Variants in SCART1 observed in about 807,000 individuals in gnomAD.
SCART1 encodes scavenger receptor family member expressed on T cells 1.
A neutral mutation model predicts 36.2 loss-of-function variants in SCART1; 62 were observed. That is an observed-to-expected ratio of 1.71 (90% confidence interval 1.40 to 2.12). The LOEUF is 2.12. Ranked by LOEUF, SCART1 falls within the 30% of genes most tolerant of loss-of-function variation. SCART1 has a pLI of 0.00. For missense variants in SCART1, 1,041 were observed against 540.5 expected, an observed-to-expected ratio of 1.93 and a Z score of -9.18; for synonymous variants, 487 against 238.7, an observed-to-expected ratio of 2.04 and a Z score of -9.59.
exon 12 of SCART1, chr10:133,467,885 A>G (rs1589937982): frequency 1.4e-6 from 1 of 699,760 alleles, no homozygotes; most frequent in Non-Finnish European, 2.6e-6. Flanking sequence ...GGGACAGTCT[A>G]TACGTGCGGA....
chr10:133,465,993 C>T, intron 9 of SCART1: 1 of 672,622 alleles, frequency 1.5e-6, no homozygotes, highest in South Asian at 1.5e-5. Flanking sequence ...CTGGCATCTG[C>T]CTGGGGGCCA....
intron 2 of SCART1, chr10:133,456,947 C>T (rs1850623983): frequency 4.0e-6 from 2 of 505,014 alleles, no homozygotes; most frequent in Non-Finnish European, 7.0e-6. Flanking sequence ...CTCGAGGGTC[C>T]TCAGCTGTCC....
intron 2 of SCART1, 163 bp from the exon 3 acceptor site, chr10:133,457,115 CA>C (rs759239088): frequency 2.1e-4 from 129 of 602,730 alleles, no homozygotes; most frequent in Non-Finnish European, 3.5e-4. Context: ...AAGCTGGGCA[CA>C]GGGGTCTCTC....
chr10:133,464,876 C>T, exon 7 of SCART1: 1 of 702,930 alleles, frequency 1.4e-6, no homozygotes, highest in Non-Finnish European at 2.6e-6. Flanking sequence ...CCCTTCCCAC[C>T]CATGGCACCC....
intron 1 of SCART1, among the ~76,000 whole-genome samples, 194 bp downstream of exon 1, chr10:133,454,258 C>A (rs1452568313): frequency 6.6e-6 from 1 of 152,144 alleles, no homozygotes; most frequent in Non-Finnish European, 1.5e-5. Context: ...CTCAGGGCCC[C>A]CAGACCCTAG....
At chr10:133,461,571 G>A (rs937923014) in intron 6 of SCART1, among the ~76,000 whole-genome samples, 10 of 152,236 alleles carry the variant, frequency 6.6e-5, no homozygotes, top group African/African-American at 2.2e-4. Flanking sequence ...GGCATTCTTG[G>A]GGTGTTTCTC....
exon 11 of SCART1, chr10:133,467,307 A>T (rs1443732838): frequency 1.4e-6 from 1 of 703,016 alleles, no homozygotes; most frequent in South Asian, 1.5e-5. Context: ...CTGTGCTCCA[A>T]GATGAGGAGG....
intron 4 of SCART1, 80 bp from the exon 5 acceptor site, chr10:133,458,941 G>A (rs1393952098): frequency 1.1e-5 from 7 of 627,318 alleles, no homozygotes; most frequent in Admixed American, 2.6e-5. Flanking sequence ...CCCACTGGGT[G>A]TGAAGGAAGG....
chr10:133,465,598 G>A (rs1304309562), intron 9 of SCART1, 33 bp downstream of exon 9: 5 of 577,052 alleles, frequency 8.7e-6, no homozygotes, highest in South Asian at 8.6e-5. Context: ...TCGGTCATGG[G>A]GCCGGCAGAG....
Position 133,465,231 on chromosome 10 carries a change from G to T in SCART1, c.2345-20G>T. The T allele has an allele frequency of 1.4e-6, 1 of 700,942 alleles. No individual in the cohort carries two copies. The highest frequency in any genetic ancestry group is 1.5e-5 in the South Asian group (1 of 67,456). The allele number at this position is 700,942 out of a possible 1,614,324, so 43.4% of individuals were successfully genotyped here. On this transcript the variant is annotated intron_variant, in intron 8 of 11. Coordinates refer to ENST00000640237, the Ensembl canonical transcript of SCART1. ...CCCATCCCGGTCCAGCCCCCGCAGT[G>T]ACCGCAGCCCCTTTTGCAGAGGAGG...
chr10:133,459,001 T>A lies in SCART1; in HGVS notation c.980-20T>A. ...TGGGTCGGCCGTCTGCAAGCCAGGCTGACTCCTCCTCTCCCCCAGAGTTCA... is the reference window on the plus strand; with the variant it reads ...TGGGTCGGCCGTCTGCAAGCCAGGCAGACTCCTCCTCTCCCCCAGAGTTCA... On this transcript the variant is annotated intron_variant, in intron 4 of 11. Coordinates refer to ENST00000640237, the Ensembl canonical transcript of SCART1. The A allele has an allele frequency of 1.5e-6, 1 of 658,880 alleles. No individual in the cohort carries two copies. The highest frequency in any genetic ancestry group is 2.8e-6 in the Non-Finnish European group (1 of 361,528). 40.8% of individuals were successfully genotyped at this position (658,880 alleles called of 1,614,324 possible). A position where few individuals can be genotyped will look rare whatever the true frequency, so the allele number is the denominator to read the frequency against.
At position 133,465,158 on chromosome 10, in the gene SCART1, CTG is replaced by C. The variant is rs1850748524; in HGVS notation, c.2329_2330del (p.Trp777AlafsTer173). The C allele has an allele frequency of 2.8e-6, 2 of 702,936 alleles. No homozygotes were observed. Among genetic ancestry groups the C allele is most frequent in the African/African-American group, 3.5e-5 (2 of 57,272 alleles). The allele number at this position is 702,936 out of a possible 1,614,324, so 43.5% of individuals were successfully genotyped here. On this transcript the variant is annotated frameshift_variant, in exon 8 of 12. Coordinates refer to ENST00000640237, the Ensembl canonical transcript of SCART1. LOFTEE classifies it high-confidence loss of function. ...CTGGGGAGCCCCTCAACTGCTCCTC[CTG>C]GCTCGGCTGCCCAGGTACCCCTCTG... is the stretch of plus-strand genomic sequence containing the variant.
chr10:133,459,245 T>C (rs1210472276), exon 5 of SCART1: 1 of 688,176 alleles, frequency 1.5e-6, no homozygotes, highest in South Asian at 1.5e-5. Flanking sequence ...GGGGACAGAG[T>C]CCTACTTGTG....
At chr10:133,462,182 G>C (rs929389939) in intron 6 of SCART1, among the ~76,000 whole-genome samples, 27 of 152,236 alleles carry the variant, frequency 1.8e-4, no homozygotes, top group African/African-American at 6.3e-4. Flanking sequence ...AGGCCGTGGA[G>C]CCCTGCTCAG....
At chr10:133,459,916 T>C in exon 6 of SCART1, 1 of 538,484 alleles carries the variant, frequency 1.9e-6, no homozygotes, top group Non-Finnish European at 3.2e-6. Context: ...GCCGGGGCGC[T>C]GCACGGGGGC....
chr10:133,456,271 C>T (rs1030771877), exon 2 of SCART1: 2 of 702,726 alleles, frequency 2.8e-6, no homozygotes, highest in Non-Finnish European at 5.2e-6. Context: ...CGTACAGACA[C>T]AGCACGTGCG....
chr10:133,455,312 A>G (rs1850595345), intron 1 of SCART1, among the ~76,000 whole-genome samples: 1 of 152,234 alleles, frequency 6.6e-6, no homozygotes, highest in South Asian at 2.1e-4. Context: ...ATGTCCTGAG[A>G]AGAACCAGGT....
chr10:133,465,124 C>A, exon 8 of SCART1: 1 of 703,096 alleles, frequency 1.4e-6, no homozygotes, highest in South Asian at 1.5e-5. Flanking sequence ...GAGGACAGGC[C>A]ACAGGCTGCT....
chr10:133,467,385 C>G (rs1850774642), intron 11 of SCART1, 32 bp downstream of exon 11: 1 of 683,734 alleles, frequency 1.5e-6, no homozygotes, highest in East Asian at 2.7e-5. Flanking sequence ...GGGGTGAGCT[C>G]TGGGGTGGGC....
Sources: gnomAD v4.1 joint callset for allele counts (sites outside exome capture counted in the v4.1 genomes callset) on GRCh38, gnomAD v4.1.1 for gene constraint, MANE v1.5 for transcripts, NCBI Gene and HGNC (gene_info 2026-07-23, HGNC 2026-07-21) for gene names.